SPTSSB: variants seen among roughly 807,000 people sequenced by gnomAD.
The protein encoded by SPTSSB is androgen down regulated in mouse prostate.
In SPTSSB, 6 loss-of-function variants were observed where a neutral mutation model predicts 7.7. That is an observed-to-expected ratio of 0.78 (90% CI 0.43 to 1.54). The LOEUF is 1.54. Ranked by LOEUF, SPTSSB falls within the 40% of genes most tolerant of loss-of-function variation. The pLI is 0.01. For synonymous variants in SPTSSB, 28 were observed against 29.7 expected, an observed-to-expected ratio of 0.94 and a Z score of 0.19; for missense variants, 91 against 93.0, an observed-to-expected ratio of 0.98 and a Z score of 0.09.
intron 2 of SPTSSB, among the ~76,000 whole-genome samples, chr3:161,350,248 G>T (rs541330824): frequency 3.3e-4 from 50 of 152,088 alleles, no homozygotes; most frequent in African/African-American, 1.2e-3. Context: ...TTGGTACAGT[G>T]GTATTTACCT....
At chr3:161,368,386 C>T (rs1254268288) in intron 1 of SPTSSB, among the ~76,000 whole-genome samples, 1 of 151,902 alleles carries the variant, frequency 6.6e-6, no homozygotes, top group African/African-American at 2.4e-5. Context: ...AGAAGACACA[C>T]TGTACCCTTT....
intron 2 of SPTSSB, among the ~76,000 whole-genome samples, chr3:161,350,028 A>C (rs961639259): frequency 1.3e-5 from 2 of 152,148 alleles, no homozygotes; most frequent in Non-Finnish European, 2.9e-5. Flanking sequence ...ATGGAGAAGA[A>C]AGTGAATAAA....
intron 1 of SPTSSB, among the ~76,000 whole-genome samples, chr3:161,367,710 A>G (rs1410744657): frequency 6.6e-6 from 1 of 152,228 alleles, no homozygotes; most frequent in Non-Finnish European, 1.5e-5. Context: ...TGCTGTGAAG[A>G]CTTCAGTGGC....
intron 2 of SPTSSB, among the ~76,000 whole-genome samples, chr3:161,349,978 A>G (rs1383957233): frequency 6.6e-6 from 1 of 152,192 alleles, no homozygotes; most frequent in Non-Finnish European, 1.5e-5. Flanking sequence ...TTTGAGACTT[A>G]TGACTCATTA....
rs144220585 is a variant in SPTSSB, at chr3:161,370,712, T to G, written c.-126+723A>C. 2.0e-5 allele frequency among the ~76,000 whole-genome samples: 3 copies of G among 152,246 alleles called. No individual in the cohort carries two copies. The East Asian group carries it at 5.8e-4, about 29-fold the overall frequency. Reference sequence around the variant, plus strand: ...ATTCTTCAAACTCCTTATGTGATTGTGGACTGGGCTCATATGTGAATTGCC... The same window carrying G: ...ATTCTTCAAACTCCTTATGTGATTGGGGACTGGGCTCATATGTGAATTGCC... On this transcript the variant is annotated intron_variant, in intron 1 of 2. Transcript: ENST00000620149.
intron 1 of SPTSSB, among the ~76,000 whole-genome samples, chr3:161,363,262 T>C (rs1009692083): frequency 6.6e-5 from 10 of 151,588 alleles, no homozygotes; most frequent in Non-Finnish European, 1.2e-4. Flanking sequence ...ATAATGCTTC[T>C]CCATCAATAG....
Position 161,345,990 on chromosome 3 carries a change from C to T in SPTSSB, c.*103G>A. The T allele has an allele frequency of 3.0e-6, 2 of 661,456 alleles. No individual in the cohort carries two copies. The highest frequency in any genetic ancestry group is 5.4e-6 in the Non-Finnish European group (2 of 370,992). 41.0% of individuals were successfully genotyped at this position (661,456 alleles called of 1,614,324 possible). A position where few individuals can be genotyped will look rare whatever the true frequency, so the allele number is the denominator to read the frequency against. On this transcript the variant is annotated 3_prime_UTR_variant, in exon 3 of 3. Coordinates refer to ENST00000620149, the MANE Select transcript of SPTSSB (RefSeq NM_001040100.2). The stretch of plus-strand genomic sequence containing the variant: ...ATAAGAGTGCATAGAGAAGAGAGTG[C>T]TTTTCAGGTCAGATAGTGAAGGAAG...
intron 1 of SPTSSB, among the ~76,000 whole-genome samples, chr3:161,365,105 A>G (rs942335848): frequency 1.3e-5 from 2 of 152,236 alleles, no homozygotes; most frequent in African/African-American, 4.8e-5. Flanking sequence ...TACTGATAAT[A>G]GTAGCAGATA....
intron 2 of SPTSSB, among the ~76,000 whole-genome samples, chr3:161,348,700 T>A (rs79342938): frequency 0.031 from 4,695 of 149,538 alleles, 213 homozygotes; most frequent in African/African-American, 0.1. Context: ...ATTAAAAAAA[T>A]TTTTTTTTTG....
Position 161,371,503 on chromosome 3 carries a change from C to T in SPTSSB, c.-194G>A. The stretch of plus-strand genomic sequence containing the variant: ...GGCTTTGGCTCCTCCCCAGCTGCTG[C>T]GAGCTTCCCACTGCGCCGGGCGCCT... On this transcript the variant is annotated 5_prime_UTR_variant, in exon 1 of 3. Transcript: ENST00000620149. 1 of 985,552 alleles carries T rather than the reference C, an allele frequency of 1.0e-6. No individual in the cohort carries two copies. Among genetic ancestry groups the T allele is most frequent in the Non-Finnish European group, 1.2e-6 (1 of 830,016 alleles). 61.1% of individuals were successfully genotyped at this position (985,552 alleles called of 1,614,324 possible). A position where few individuals can be genotyped will look rare whatever the true frequency, so the allele number is the denominator to read the frequency against.
At position 161,345,144 on chromosome 3, in the gene SPTSSB, AATAAATCTTGTTTTGGCT is replaced by A. The variant is rs1205202217; in HGVS notation, c.*931_*948del. The A allele has an allele frequency of 2.0e-5, 3 of 152,754 alleles. No individual in the cohort carries two copies. The highest frequency in any genetic ancestry group is 4.4e-5 in the Non-Finnish European group (3 of 68,030). 9.5% of individuals were successfully genotyped at this position (152,754 alleles called of 1,614,324 possible). A position where few individuals can be genotyped will look rare whatever the true frequency, so the allele number is the denominator to read the frequency against. On this transcript the variant is annotated 3_prime_UTR_variant, in exon 3 of 3. Transcript: ENST00000620149. ...AAGATAAACAGTTTGAAGGAAATTT[AATAAATCTTGTTTTGGCT>A]CTGCAAAGGAGCCACTATATCAAAG... is the stretch of plus-strand genomic sequence containing the variant.
At chr3:161,365,113 A>G (rs1180840893) in intron 1 of SPTSSB, among the ~76,000 whole-genome samples, 1 of 152,220 alleles carries the variant, frequency 6.6e-6, no homozygotes, top group Non-Finnish European at 1.5e-5. Flanking sequence ...ATAGTAGCAG[A>G]TATTTATTGA....
intron 2 of SPTSSB, among the ~76,000 whole-genome samples, chr3:161,357,721 A>G (rs1714834036): frequency 6.6e-6 from 1 of 152,194 alleles, no homozygotes; most frequent in Non-Finnish European, 1.5e-5. Context: ...CTGTTTTTAA[A>G]AGAGAGACAC....
intron 1 of SPTSSB, among the ~76,000 whole-genome samples, chr3:161,364,026 G>A (rs1259662603): frequency 6.6e-6 from 1 of 152,120 alleles, no homozygotes; most frequent in African/African-American, 2.4e-5. Context: ...AAATACTTCA[G>A]TTTTTCATTA....
chr3:161,361,699 AATT>A (rs1457291951), intron 1 of SPTSSB, among the ~76,000 whole-genome samples: 1 of 152,154 alleles, frequency 6.6e-6, no homozygotes, highest in African/African-American at 2.4e-5. Flanking sequence ...CTTTCGTCAC[AATT>A]ATTATTTGTT....
chr3:161,368,814 A>G (rs980051788), intron 1 of SPTSSB, among the ~76,000 whole-genome samples: 6 of 152,248 alleles, frequency 3.9e-5, no homozygotes, highest in Non-Finnish European at 8.8e-5. Context: ...ATGTAAATAA[A>G]TCATATAGTA....
chr3:161,367,587 G>GA (rs1469525339), intron 1 of SPTSSB, among the ~76,000 whole-genome samples: 1 of 152,180 alleles, frequency 6.6e-6, no homozygotes, highest in African/African-American at 2.4e-5. Flanking sequence ...CAGCTTGTGG[G>GA]AACTCAAAAC....
intron 1 of SPTSSB, among the ~76,000 whole-genome samples, chr3:161,370,255 G>A (rs904421431): frequency 4.6e-5 from 7 of 152,154 alleles, no homozygotes; most frequent in African/African-American, 1.2e-4. Flanking sequence ...ACTTCAAATC[G>A]ACTTTCAACT....
chr3:161,368,846 G>A (rs1715334175), intron 1 of SPTSSB, among the ~76,000 whole-genome samples: 1 of 152,160 alleles, frequency 6.6e-6, no homozygotes, highest in Non-Finnish European at 1.5e-5. Flanking sequence ...TTCACTTAAC[G>A]TAATCTCTTC....
Sources: gnomAD v4.1 joint callset for allele counts (sites outside exome capture counted in the v4.1 genomes callset) on GRCh38, gnomAD v4.1.1 for gene constraint, MANE v1.5 for transcripts, NCBI Gene and HGNC (gene_info 2026-07-23, HGNC 2026-07-21) for gene names.